The following REPS2 variants were observed in gnomAD, a reference collection of about 807,000 sequenced individuals.
REPS2 encodes RALBP1 associated Eps domain containing 2.
REPS2 carries 23 observed loss-of-function variants against 53.6 expected under a neutral mutation model. That is an observed-to-expected ratio of 0.43 (90% CI 0.31 to 0.61). The LOEUF (loss-of-function observed/expected upper bound fraction) is 0.61. Among genes scored for constraint, REPS2 ranks in the 20% least tolerant of loss-of-function variants. REPS2 has a pLI of 0.11. For synonymous variants in REPS2, 238 were observed against 218.6 expected (o/e 1.09, Z -0.78); for missense variants, 446 against 534.9 (o/e 0.83, Z 1.64).
At chrX:17,168,674 T>C in the REPS2 span, among the ~76,000 whole-genome samples, 1 of 112,112 alleles carries the variant, frequency 8.9e-6, no homozygotes, top group African/African-American at 3.2e-5. Flanking sequence ...TTTCTCAGGC[T>C]CTGTTTCTGG....
the REPS2 span, among the ~76,000 whole-genome samples, chrX:17,162,370 A>G: frequency 8.9e-6 from 1 of 112,765 alleles, no homozygotes; most frequent in Non-Finnish European, 1.9e-5. Context: ...ACTAAAAAAC[A>G]TAAATGGAAA....
chrX:17,050,129 T>TCTTCCTTCCTTCCTTC (rs1463683194), intron 6 of REPS2, among the ~76,000 whole-genome samples: 4 of 55,282 alleles, frequency 7.2e-5, no homozygotes, highest in African/African-American at 2.7e-4. Context: ...CTTCTTTCTT[T>TCTTCCTTCCTTCCTTC]CTTCCTTTCT....
chrX:17,006,104 C>A (rs2061359891), intron 1 of REPS2, 117 bp from the exon 2 acceptor site: 1 of 826,069 alleles, frequency 1.2e-6, no homozygotes, highest in Non-Finnish European at 1.7e-6. Flanking sequence ...CAGAGGTTCT[C>A]AAGGGACTTT....
intron 1 of REPS2, among the ~76,000 whole-genome samples, chrX:16,970,684 G>C (rs1471013673): frequency 8.9e-6 from 1 of 112,375 alleles, no homozygotes; most frequent in Non-Finnish European, 1.9e-5. Context: ...ATCACCCCCA[G>C]TTCCACCATT....
chrX:17,178,789 G>A, the REPS2 span, among the ~76,000 whole-genome samples: 1 of 110,562 alleles, frequency 9.0e-6, no homozygotes, highest in Non-Finnish European at 1.9e-5. Flanking sequence ...TTAGCCAGGT[G>A]TGGTGGCGTC....
At chrX:17,154,142 G>T (rs2063593623), downstream of REPS2, among the ~76,000 whole-genome samples, 1 of 111,769 alleles carries the variant, frequency 8.9e-6, no homozygotes, top group African/African-American at 3.3e-5. Context: ...TGGAACTACT[G>T]ACTAGCCAAT....
At chrX:17,048,837 A>C (rs2061942318) in intron 6 of REPS2, among the ~76,000 whole-genome samples, 1 of 112,914 alleles carries the variant, frequency 8.9e-6, no homozygotes, top group African/African-American at 3.2e-5. Context: ...ACAGTATATA[A>C]TACTTAATAA....
At position 17,059,071 on chromosome X, in the gene REPS2, T is replaced by C. The variant is rs1201485679; in HGVS notation, c.1115-3367T>C. ...TGTTGCCCAGGCTGGAGTGCAGTGG[T>C]GCAATCTCGGCTCACTGCAAGCTCC... On this transcript the variant is annotated intron_variant, in intron 8 of 17. Coordinates refer to ENST00000357277, the MANE Select transcript of REPS2 (RefSeq NM_004726.3). Among the ~76,000 whole-genome samples, 3 of 103,985 alleles carry C rather than the reference T, an allele frequency of 2.9e-5. No individual in the cohort carries two copies. The East Asian group carries it at 9.0e-4, about 31-fold the overall frequency. 90.3% of individuals were successfully genotyped at this position (103,985 alleles called of 115,157 possible).
chrX:16,971,243 AT>A lies in REPS2; in HGVS notation c.273+24110del, dbSNP rs571927952. 1.3e-4 allele frequency among the ~76,000 whole-genome samples: 15 copies of A among 112,278 alleles called. No homozygotes were observed. The South Asian group carries it at 5.5e-3, about 41-fold the overall frequency. On this transcript the variant is annotated intron_variant, in intron 1 of 17. Transcript: ENST00000357277. ...TTAGTTGGAATTTCCCTGATGACTA[AT>A]AATGTTGCATGTCTTTTCACGTGCT...
the REPS2 span, among the ~76,000 whole-genome samples, chrX:17,167,796 TAG>T: frequency 9.1e-6 from 1 of 109,419 alleles, no homozygotes; most frequent in Non-Finnish European, 1.9e-5. Flanking sequence ...GGGGCCAAGA[TAG>T]GATTTTAAAA....
chrX:17,039,203 T>C (rs2061801572), intron 5 of REPS2, among the ~76,000 whole-genome samples: 2 of 112,023 alleles, frequency 1.8e-5, no homozygotes, highest in Non-Finnish European at 1.9e-5. Flanking sequence ...TTTTCTTGGC[T>C]TTCTCCTCTA....
At chrX:17,185,473 G>A in the REPS2 span, among the ~76,000 whole-genome samples, 4 of 111,734 alleles carry the variant, frequency 3.6e-5, no homozygotes, top group South Asian at 7.5e-4. Context: ...TTGTAACTCC[G>A]CGAGAGCAGA....
At chrX:16,961,183 C>T (rs1017464014) in intron 1 of REPS2, among the ~76,000 whole-genome samples, 4 of 112,110 alleles carry the variant, frequency 3.6e-5, no homozygotes, top group Non-Finnish European at 5.6e-5. Context: ...AGGCATCACA[C>T]TTCCTTAGAT....
intron 1 of REPS2, among the ~76,000 whole-genome samples, chrX:16,965,533 C>G (rs1449437944): frequency 9.0e-6 from 1 of 110,938 alleles, no homozygotes; most frequent in African/African-American, 3.3e-5. Context: ...GGCAGAGGGT[C>G]TCCTCACTTC....
At chrX:17,107,490 T>G (rs2062890108) in intron 14 of REPS2, among the ~76,000 whole-genome samples, 1 of 112,358 alleles carries the variant, frequency 8.9e-6, no homozygotes, top group Non-Finnish European at 1.9e-5. Flanking sequence ...TACAGAGATA[T>G]ATAAAGATTG....
intron 1 of REPS2, among the ~76,000 whole-genome samples, chrX:16,955,762 G>A (rs1360001298): frequency 9.0e-6 from 1 of 111,712 alleles, no homozygotes; most frequent in Non-Finnish European, 1.9e-5. Flanking sequence ...CTGCTCTCAA[G>A]GGGAGGGGAT....
At chrX:17,040,849 A>G (rs2061821059) in intron 5 of REPS2, among the ~76,000 whole-genome samples, 1 of 111,860 alleles carries the variant, frequency 8.9e-6, no homozygotes. Context: ...TGGGCTCATA[A>G]TGGTCTAATG....
At chrX:16,966,627 G>C (rs2060773744) in intron 1 of REPS2, among the ~76,000 whole-genome samples, 1 of 112,064 alleles carries the variant, frequency 8.9e-6, no homozygotes, top group Non-Finnish European at 1.9e-5. Context: ...TTTCATTTGT[G>C]ACTTCATGTC....
intron 1 of REPS2, among the ~76,000 whole-genome samples, chrX:16,974,590 A>T (rs1449666853): frequency 9.0e-6 from 1 of 110,874 alleles, no homozygotes. Flanking sequence ...GGTTGCAGTG[A>T]GCCGAGATTG....
Sources: allele counts gnomAD v4.1 joint callset (sites outside exome capture counted in the v4.1 genomes callset), GRCh38; gene constraint gnomAD v4.1.1; transcripts MANE v1.5; gene names NCBI Gene and HGNC (gene_info 2026-07-23, HGNC 2026-07-21).